AKAP6: variants seen among roughly 807,000 people sequenced by gnomAD.
The protein encoded by AKAP6 is A-kinase anchoring protein 6, also known as A-kinase anchor protein 6.
In AKAP6, 58 loss-of-function variants were observed where a neutral mutation model predicts 188.5. The observed-to-expected ratio is 0.31, with a 90% confidence interval of 0.25 to 0.38. AKAP6 has a LOEUF of 0.38. Among genes scored for constraint, AKAP6 ranks in the 10% least tolerant of loss-of-function variants. The pLI, the probability that AKAP6 is intolerant of heterozygous loss-of-function variation, is 1.00. For missense variants in AKAP6, 2,710 were observed against 2,740.0 expected, an observed-to-expected ratio of 0.99 and a Z score of 0.24; for synonymous variants, 989 against 998.6, an observed-to-expected ratio of 0.99 and a Z score of 0.18.
At position 32,505,327 on chromosome 14, in the gene AKAP6, C is replaced by T. The variant is rs534843199; in HGVS notation, c.325-30227C>T. 8.6e-4 allele frequency among the ~76,000 whole-genome samples: 131 copies of T among 151,472 alleles called. 2 individuals are homozygous for T. Among genetic ancestry groups the T allele is most frequent in the Admixed American group, 8.1e-3 (122 of 15,152 alleles). ...CAGGCAAGTTCCTTTTCACATATCT[C>T]GTATCTGCCTTGAATCAGTGAGTTG... On this transcript the variant is annotated intron_variant, in intron 2 of 13. Transcript: ENST00000280979.
chr14:32,366,183 C>T (rs1216700527), intron 1 of AKAP6, among the ~76,000 whole-genome samples: 1 of 152,200 alleles, frequency 6.6e-6, no homozygotes, highest in Non-Finnish European at 1.5e-5. Context: ...AGAGAGCCAC[C>T]TGTGCTCAGG....
At chr14:32,634,952 A>G (rs1287628244) in intron 7 of AKAP6, among the ~76,000 whole-genome samples, 1 of 151,744 alleles carries the variant, frequency 6.6e-6, no homozygotes, top group Non-Finnish European at 1.5e-5. Flanking sequence ...TTACATGAGT[A>G]AGTTCTTTAG....
chr14:32,439,552 G>A (rs1480388314), intron 2 of AKAP6, among the ~76,000 whole-genome samples: 5 of 151,994 alleles, frequency 3.3e-5, no homozygotes, highest in Non-Finnish European at 7.4e-5. Flanking sequence ...TTCAGCAGGT[G>A]CAAAAGGGAA....
At chr14:32,469,557 G>A (rs1209700558) in intron 2 of AKAP6, among the ~76,000 whole-genome samples, 4 of 152,062 alleles carry the variant, frequency 2.6e-5, no homozygotes, top group Non-Finnish European at 5.9e-5. Context: ...ATGCTGACAA[G>A]AAAAGTACTT....
chr14:32,584,495 A>G (rs566110504), intron 5 of AKAP6, among the ~76,000 whole-genome samples: 2 of 152,360 alleles, frequency 1.3e-5, no homozygotes, highest in African/African-American at 2.4e-5. Context: ...CCATGCATAA[A>G]GGGGACTACT....
intron 1 of AKAP6, among the ~76,000 whole-genome samples, chr14:32,382,086 A>G (rs71419904): frequency 0.01 from 1,583 of 152,290 alleles, 26 homozygotes; most frequent in Non-Finnish European, 0.011. Context: ...AATACCTTAC[A>G]AGATTGTGAG....
intron 7 of AKAP6, among the ~76,000 whole-genome samples, chr14:32,665,867 A>G (rs1888912480): frequency 6.6e-6 from 1 of 152,260 alleles, no homozygotes; most frequent in African/African-American, 2.4e-5. Flanking sequence ...ATGAATTAGT[A>G]TATCAGATAT....
At chr14:32,690,764 T>C (rs1408958106) in intron 8 of AKAP6, among the ~76,000 whole-genome samples, 2 of 152,182 alleles carry the variant, frequency 1.3e-5, no homozygotes, top group African/African-American at 4.8e-5. Context: ...TAAGAAAAAC[T>C]GACTTCAAGT....
intron 11 of AKAP6, among the ~76,000 whole-genome samples, chr14:32,748,569 A>C (rs938867695): frequency 6.6e-6 from 1 of 152,192 alleles, no homozygotes; most frequent in South Asian, 2.1e-4. Context: ...GGTTTCACCT[A>C]CTTTGGTGAG....
At chr14:32,806,321 A>T (rs1401427208) in intron 12 of AKAP6, among the ~76,000 whole-genome samples, 6 of 152,228 alleles carry the variant, frequency 3.9e-5, no homozygotes, top group Non-Finnish European at 7.3e-5. Context: ...TAGATACTTG[A>T]TAGGTGAGTC....
At chr14:32,742,397 C>T (rs2031720857) in intron 11 of AKAP6, among the ~76,000 whole-genome samples, 1 of 150,922 alleles carries the variant, frequency 6.6e-6, no homozygotes, top group Non-Finnish European at 1.5e-5. Context: ...TATTTCTTTT[C>T]TTCTACTAAT....
intron 1 of AKAP6, among the ~76,000 whole-genome samples, chr14:32,397,462 C>G (rs1303063925): frequency 1.3e-5 from 2 of 149,956 alleles, no homozygotes; most frequent in Admixed American, 1.3e-4. Context: ...ACTGCAGTCT[C>G]TGCCTCCCAG....
chr14:32,592,429 T>A (rs1162893778), intron 5 of AKAP6, among the ~76,000 whole-genome samples: 1 of 152,096 alleles, frequency 6.6e-6, no homozygotes, highest in African/African-American at 2.4e-5. Context: ...ACACCTGAGA[T>A]TAATCTTAAA....
chr14:32,821,512 G>A lies in AKAP6; in HGVS notation c.3699G>A (p.Glu1233=). The change falls in exon 13 of 14, where the codon GAG becomes GAA. Residue 1233 remains glutamate, a synonymous_variant. Transcript: ENST00000280979. ...DISNKLISLN[E]ESNDLDQELQ... is the part of the protein sequence containing the mutation. ...GTAACAAGTTAATTAGTTTGAATGA[G>A]GAATCAAATGACCTTGATCAAGAAC... 6.2e-7 allele frequency: 1 copy of A among 1,613,774 alleles called. No individual in the cohort carries two copies. The highest frequency in any genetic ancestry group is 8.5e-7 in the Non-Finnish European group (1 of 1,179,828).
intron 4 of AKAP6, among the ~76,000 whole-genome samples, chr14:32,572,080 A>G (rs1015720772): frequency 1.3e-5 from 2 of 152,234 alleles, no homozygotes; most frequent in Non-Finnish European, 2.9e-5. Flanking sequence ...AAAACTGGGA[A>G]TAAATGCTAC....
intron 9 of AKAP6, among the ~76,000 whole-genome samples, chr14:32,728,983 G>A (rs72669827): frequency 0.015 from 2,341 of 152,158 alleles, 33 homozygotes; most frequent in Non-Finnish European, 0.025. Flanking sequence ...GATTCACTCG[G>A]TAGAGTCTTA....
At chr14:32,345,307 T>C (rs1887032791) in intron 1 of AKAP6, among the ~76,000 whole-genome samples, 1 of 152,238 alleles carries the variant, frequency 6.6e-6, no homozygotes, top group Admixed American at 6.5e-5. Flanking sequence ...AGGTATTGAA[T>C]GTGTAAGCAG....
In AKAP6 at chr14:32,730,562, G is replaced by T. The variant is rs3784210; in HGVS notation, c.3001-1892G>T. Among the ~76,000 whole-genome samples, 37 of 152,140 alleles carry T rather than the reference G, an allele frequency of 2.4e-4. No homozygotes were observed. In the East Asian group the frequency reaches 4.4e-3, roughly 18 times the overall value. On this transcript the variant is annotated intron_variant, in intron 9 of 13. Coordinates refer to ENST00000280979, the MANE Select transcript of AKAP6 (RefSeq NM_004274.5). The stretch of plus-strand genomic sequence containing the variant: ...GAGCTGTTTAAAGTTGGGGTGAAGA[G>T]GGGGGGATGAGCTTGTCACAAGTTA...
chr14:32,643,520 C>A (rs903028745), intron 7 of AKAP6, among the ~76,000 whole-genome samples: 1 of 152,038 alleles, frequency 6.6e-6, no homozygotes, highest in Non-Finnish European at 1.5e-5. Flanking sequence ...GTTGGTCAGG[C>A]TGGTCTTGAA....
Sources: allele counts gnomAD v4.1 joint callset (sites outside exome capture counted in the v4.1 genomes callset), GRCh38; gene constraint gnomAD v4.1.1; transcripts MANE v1.5; gene names NCBI Gene and HGNC (gene_info 2026-07-23, HGNC 2026-07-21).